Variants in POLG observed in about 807,000 individuals in gnomAD.
The protein encoded by POLG is DNA polymerase gamma, catalytic subunit.
In POLG, 110 loss-of-function variants were observed where a neutral mutation model predicts 155.4. The ratio of observed to expected loss-of-function variants is 0.71; its 90% CI spans 0.61 to 0.83. The LOEUF (loss-of-function observed/expected upper bound fraction) is 0.83, where lower values mean the gene tolerates loss of function less well. POLG is among the 40% of genes least tolerant of loss of function. POLG has a pLI of 0.00. For missense variants in POLG, 1,685 were observed against 1,627.5 expected (o/e 1.04, Z -0.61); for synonymous variants, 701 against 631.5 (o/e 1.11, Z -1.65).
intron 16 of POLG, 103 bp downstream of exon 16, chr15:89,321,633 G>A (rs1380600283): frequency 1.1e-6 from 1 of 878,498 alleles, no homozygotes; most frequent in African/African-American, 1.6e-5. Context: ...AGATCACAGG[G>A]TCCTTTTCAT....
In POLG at chr15:89,325,187, T is replaced by TGAGA. The variant is rs1204558252; in HGVS notation, c.1949+262_1949+263insTCTC. 7.5e-5 allele frequency among the ~76,000 whole-genome samples: 4 copies of TGAGA among 53,494 alleles called. 1 individual carries two copies. The highest frequency in any genetic ancestry group is 4.1e-4 in the African/African-American group (4 of 9,812). The allele number at this position is 53,494 out of a possible 152,430, so 35.1% of individuals were successfully genotyped here. On this transcript the variant is annotated intron_variant, in intron 10 of 22. Coordinates refer to ENST00000268124, the MANE Select transcript of POLG (RefSeq NM_002693.3). ...GTGAGTGAGAGAGTGAGAGAGTGAGTGAGTGAGAGAGTGAGTGAGAGAGTG... is the reference window on the plus strand; with the variant it reads ...GTGAGTGAGAGAGTGAGAGAGTGAGTGAGAGAGTGAGAGAGTGAGTGAGAGAGTG...
intron 10 of POLG, among the ~76,000 whole-genome samples, chr15:89,325,201 AGTGAGAGAGT>A (rs1316144798): frequency 2.0e-5 from 2 of 101,448 alleles, no homozygotes; most frequent in African/African-American, 9.0e-5. Flanking sequence ...TGAGAGAGTG[AGTGAGAGAGT>A]GAGTGAGTGA....
In POLG at chr15:89,322,946, C is replaced by A. The variant is rs1335068171; in HGVS notation, c.2266-44G>T. ...GCAGGGGCTGGAGGCAGGTGGCAGA[C>A]CCCTGGGTGGGGAACCAACGTGAGT... On this transcript the variant is annotated intron_variant, in intron 13 of 22. Coordinates refer to ENST00000268124, the MANE Select transcript of POLG (RefSeq NM_002693.3). 1.5e-5 allele frequency: 24 copies of A among 1,600,240 alleles called. No homozygotes were observed. Among genetic ancestry groups the A allele is most frequent in the Non-Finnish European group, 1.9e-5 (22 of 1,172,414 alleles).
chr15:89,333,588 G>A lies in POLG; in HGVS notation c.167C>T (p.Pro56Leu), dbSNP rs1022612492. The A allele has an allele frequency of 1.9e-6, 3 of 1,604,890 alleles. No individual in the cohort carries two copies. Among genetic ancestry groups the A allele is most frequent in the Non-Finnish European group, 2.5e-6 (3 of 1,176,630 alleles). Residue 56 changes from proline to leucine, a missense_variant, in exon 2 of 23, where the codon CCT (proline) becomes CTT (leucine). Pro to Leu is a moderately conservative substitution (Grantham distance 98). Around this residue, in one of 3 missense-constraint regions of POLG, gnomAD observed 1,210 missense variants for 1,167.1 expected, o/e 1.04. Transcript: ENST00000268124. ...CGAGGATAGCACTTGCGGCTGCTGA[G>A]GCTGCTGTTGCTGCTGCTGCTGCTG... The part of the protein sequence containing the change: ...QQQQQQQQQQ[P>L]QQPQVLSSEG...
intron 5 of POLG, 54 bp from the exon 6 acceptor site, chr15:89,328,589 C>T: frequency 6.2e-7 from 1 of 1,604,418 alleles, no homozygotes; most frequent in Non-Finnish European, 8.5e-7. Flanking sequence ...ATTACCACCA[C>T]CAGCTCTCAG....
chr15:89,327,124 G>A (rs755936404), intron 7 of POLG, 43 bp downstream of exon 7: 2 of 1,614,068 alleles, frequency 1.2e-6, no homozygotes, highest in Non-Finnish European at 1.7e-6. Context: ...CCGCCCACCT[G>A]CCAGTCCCCT....
rs748412462 is a variant in POLG, at chr15:89,328,517, C to T, written c.1189G>A (p.Ala397Thr). 6.2e-7 allele frequency: 1 copy of T among 1,613,892 alleles called. No homozygotes were observed. Among genetic ancestry groups the T allele is most frequent in the Admixed American group, 1.7e-5 (1 of 60,024 alleles). ...ENFQDLMQYCAQDVWATHEVF... is the reference protein window; with the variant it reads ...ENFQDLMQYCTQDVWATHEVF... Reference sequence around the variant, plus strand: ...TCATGGGTGGCCCACACGTCCTGGGCACAGTACTGCATCAGGTCCTGGCAC... The same window carrying T: ...TCATGGGTGGCCCACACGTCCTGGGTACAGTACTGCATCAGGTCCTGGCAC... Residue 397 changes from alanine (A) to threonine (T), a missense_variant, in exon 6 of 23, where the codon GCC becomes ACC. By Grantham distance (58) the Ala-to-Thr change is moderately conservative (BLOSUM62 0). This residue lies in a region of POLG where 1,210 missense variants were observed against 1,167.1 expected (regional missense o/e 1.04). Transcript: ENST00000268124.
Position 89,321,405 on chromosome 15 carries a change from G to GA in POLG, c.2599-146dup, listed in dbSNP as rs1237723501. On this transcript the variant is annotated intron_variant, in intron 16 of 22. Coordinates refer to ENST00000268124, the MANE Select transcript of POLG (RefSeq NM_002693.3). Reference sequence around the variant, plus strand: ...ACTGCTGAAATTCCACAGTTCCAGAGATGGCCACCTATCAGCAATTGGTGT... The same window carrying GA: ...ACTGCTGAAATTCCACAGTTCCAGAGAATGGCCACCTATCAGCAATTGGTGT... 5.6e-5 allele frequency: 53 copies of GA among 950,608 alleles called. No homozygotes were observed. In the African/African-American group the frequency reaches 6.0e-4, roughly 11 times the overall value. The allele number at this position is 950,608 out of a possible 1,614,324, so 58.9% of individuals were successfully genotyped here. A position where few individuals can be genotyped will look rare whatever the true frequency, so the allele number is the denominator to read the frequency against.
rs767708989 is a variant in POLG at position 89,318,963 on chromosome 15, G to A, written c.3241C>T (p.Arg1081Ter). 5 of 1,613,954 alleles carry A rather than the reference G, an allele frequency of 3.1e-6. No homozygotes were observed. Among genetic ancestry groups the A allele is most frequent in the Admixed American group, 1.7e-5 (1 of 59,996 alleles). The change falls in exon 20 of 23, where the codon CGA becomes TGA. Residue 1081 changes from arginine (R) to a stop codon, truncating the protein, a stop_gained. Transcript: ENST00000268124. LOFTEE classifies it high-confidence loss of function. The part of the protein sequence containing the change: ...RTPVLGCCIS[R>*]ALEPSAVQEE... Reference sequence around the variant, plus strand: ...TGGACAGCCGAGGGCTCCAGGGCTCGGCTGATGCAGCAGCCCAGCACCGGG... The same window carrying A: ...TGGACAGCCGAGGGCTCCAGGGCTCAGCTGATGCAGCAGCCCAGCACCGGG...
At chr15:89,325,169 A>AGAGAGTGAGTGAGTGAGTGAGTGAGT (rs2055481244) in intron 10 of POLG, among the ~76,000 whole-genome samples, 1 of 84,554 alleles carries the variant, frequency 1.2e-5, no homozygotes, top group African/African-American at 5.1e-5. Flanking sequence ...TGAGTGAGTG[A>AGAGAGTGAGTGAGTGAGTGAGTGAGT]GAGAGTGAGA....
rs773280577 is a variant in POLG, at chr15:89,320,755, G to C, written c.2981+11C>G. The C allele has an allele frequency of 1.9e-6, 3 of 1,612,150 alleles. No individual in the cohort carries two copies. The highest frequency in any genetic ancestry group is 1.1e-5 in the South Asian group (1 of 90,992). ...CCTGGGTGTTAAAGTGGATGGGAGA[G>C]GGACCCTCACCAGCGGAGGCCCTTG... On this transcript the variant is annotated intron_variant, in intron 18 of 22. Transcript: ENST00000268124.
rs200309191 is a variant in POLG at position 89,318,534 on chromosome 15, C to T, written c.3482+7G>A. ...TGGCCAGGCTAGAGGCCATGGGCCC[C>T]GCATACCTGGTCAAGAGGTTGGTGA... On this transcript the variant is annotated splice_region_variant and intron_variant, in intron 21 of 22. Transcript: ENST00000268124. 6.7e-5 allele frequency: 108 copies of T among 1,612,186 alleles called. No individual in the cohort carries two copies. The highest frequency in any genetic ancestry group is 5.5e-4 in the African/African-American group (41 of 75,008).
At chr15:89,328,573 C>A in intron 5 of POLG, 38 bp from the exon 6 acceptor site, 1 of 1,607,560 alleles carries the variant, frequency 6.2e-7, no homozygotes, top group Non-Finnish European at 8.5e-7. Flanking sequence ...GGTGGGCAGC[C>A]ATCCCATTAC....
chr15:89,317,105 CTA>C (rs1567183512), intron 22 of POLG: 2 of 592,212 alleles, frequency 3.4e-6, no homozygotes, highest in African/African-American at 1.9e-5. Flanking sequence ...AGAATGCACT[CTA>C]TAGAATAAAT....
At chr15:89,320,678 C>A (rs1373480823) in intron 18 of POLG, 88 bp downstream of exon 18, 7 of 1,453,302 alleles carry the variant, frequency 4.8e-6, no homozygotes, top group African/African-American at 4.2e-5. Context: ...AAGTAATGGG[C>A]AGGAGATAGA....
intron 1 of POLG, among the ~76,000 whole-genome samples, chr15:89,334,171 C>A (rs947532020): frequency 1.3e-5 from 2 of 152,242 alleles, no homozygotes; most frequent in African/African-American, 4.8e-5. Context: ...TAGGGCGACG[C>A]GGTTTTGAAC....
At chr15:89,317,061 GCA>G (rs1164101054) in intron 22 of POLG, 10 of 591,672 alleles carry the variant, frequency 1.7e-5, no homozygotes, top group Admixed American at 6.0e-5. Flanking sequence ...GGTATTTAAA[GCA>G]CAGTTTGTTT....
chr15:89,316,766 G>A lies in POLG; in HGVS notation c.3705C>T (p.Ser1235=), dbSNP rs781498180. 4 of 1,613,382 alleles carry A rather than the reference G, an allele frequency of 2.5e-6. No homozygotes were observed. Among genetic ancestry groups the A allele is most frequent in the Admixed American group, 3.3e-5 (2 of 60,014 alleles). ...ELTKGSLEKR[S]QPGP Reference sequence around the variant, plus strand: ...CCAGGCAGTGCTATGGTCCAGGCTGGCTTCGTTTTTCCAAGGAGCCTTTGG... The same window carrying A: ...CCAGGCAGTGCTATGGTCCAGGCTGACTTCGTTTTTCCAAGGAGCCTTTGG... Residue 1235 remains serine, a synonymous_variant, in exon 23 of 23, where the codon AGC becomes AGT. Transcript: ENST00000268124.
At chr15:89,325,199 TGA>T (rs752850240) in intron 10 of POLG, among the ~76,000 whole-genome samples, 1 of 45,862 alleles carries the variant, frequency 2.2e-5, no homozygotes. Flanking sequence ...AGTGAGAGAG[TGA>T]GTGAGAGAGT....
Sources: allele counts gnomAD v4.1 joint callset (sites outside exome capture counted in the v4.1 genomes callset), GRCh38; gene constraint gnomAD v4.1.1; regional missense constraint gnomAD v4.1.1; transcripts MANE v1.5; gene names NCBI Gene and HGNC (gene_info 2026-07-23, HGNC 2026-07-21).